PARP8: variants seen among roughly 807,000 people sequenced by gnomAD.
PARP8 encodes poly(ADP-ribose) polymerase family member 8.
In PARP8, 51 loss-of-function variants were observed where a neutral mutation model predicts 124.1. That is an observed-to-expected ratio of 0.41 (90% confidence interval 0.33 to 0.52). PARP8 has a LOEUF of 0.52. Ranked by LOEUF, PARP8 falls within the 20% of genes least tolerant of loss-of-function variation. The pLI, the probability that PARP8 is intolerant of heterozygous loss-of-function variation, is 0.21. For missense variants in PARP8, 860 were observed against 1,018.9 expected, an observed-to-expected ratio of 0.84 and a Z score of 2.12; for synonymous variants, 391 against 361.5, an observed-to-expected ratio of 1.08 and a Z score of -0.93.
Position 50,763,227 on chromosome 5 carries a change from A to C in PARP8, c.503A>C (p.His168Pro). 6.2e-7 allele frequency: 1 copy of C among 1,610,612 alleles called. No homozygotes were observed. Among genetic ancestry groups the C allele is most frequent in the Non-Finnish European group, 8.5e-7 (1 of 1,176,848 alleles). ...LSAVREIYGP[H>P]AVSLREYGAI... ...GCAGTTAGAGAGATATATGGGCCAC[A>C]TGCAGTTTCTCTCAGGTAAATAAGT... Residue 168 changes from histidine to proline, a missense_variant, in exon 7 of 26, where the codon CAT (histidine) becomes CCT (proline). Physicochemically the swap from His to Pro is moderately conservative, Grantham distance 77 (BLOSUM62 -2). Around this residue, in one of 2 missense-constraint regions of PARP8, gnomAD observed 517 missense variants for 544.2 expected, o/e 0.95. Transcript: ENST00000281631.
At chr5:50,674,990 A>G (rs1383747013) in intron 2 of PARP8, among the ~76,000 whole-genome samples, 2 of 152,272 alleles carry the variant, frequency 1.3e-5, no homozygotes, top group Non-Finnish European at 2.9e-5. Context: ...TTACAAGATT[A>G]ATAACCACAA....
chr5:50,774,846 G>T (rs1050261704), intron 7 of PARP8, among the ~76,000 whole-genome samples: 4 of 143,924 alleles, frequency 2.8e-5, no homozygotes, highest in African/African-American at 7.8e-5. Context: ...CCTAGATGGG[G>T]TGGTGGCCAG....
chr5:50,761,297 C>T (rs532875411), intron 5 of PARP8, among the ~76,000 whole-genome samples: 1 of 152,034 alleles, frequency 6.6e-6, no homozygotes, highest in South Asian at 2.1e-4. Flanking sequence ...AATTAAATAC[C>T]CTTTTGAAAT....
In PARP8 at chr5:50,729,254, G is replaced by A. The variant is rs142517942; in HGVS notation, c.147-20897G>A. ...ATTTGCAAAAGTAATGCCAAATGGA[G>A]TGAGATATGCCTCCTTTCACAGAAT... On this transcript the variant is annotated intron_variant, in intron 2 of 25. Coordinates refer to ENST00000281631, the MANE Select transcript of PARP8 (RefSeq NM_024615.4). Among the ~76,000 whole-genome samples, 1,339 of 152,288 alleles carry A rather than the reference G, an allele frequency of 8.8e-3. 10 individuals are homozygous for A. Among genetic ancestry groups the A allele is most frequent in the Admixed American group, 0.012 (187 of 15,292 alleles).
intron 2 of PARP8, among the ~76,000 whole-genome samples, chr5:50,697,270 A>C (rs1351569736): frequency 1.3e-5 from 2 of 152,170 alleles, no homozygotes; most frequent in Non-Finnish European, 2.9e-5. Context: ...AAACAAACAA[A>C]AAAAAAGAAT....
chr5:50,769,507 A>C (rs1010766878), intron 7 of PARP8, among the ~76,000 whole-genome samples: 3 of 152,084 alleles, frequency 2.0e-5, no homozygotes, highest in Non-Finnish European at 2.9e-5. Context: ...TACATCAAGA[A>C]TCCCAAATAT....
intron 3 of PARP8, among the ~76,000 whole-genome samples, chr5:50,754,150 T>TACACACACAC (rs1253764538): frequency 8.1e-4 from 30 of 37,150 alleles, no homozygotes; most frequent in African/African-American, 3.4e-3. Context: ...TATATATATA[T>TACACACACAC]ACACACACAC....
chr5:50,769,723 A>G (rs1761413467), intron 7 of PARP8, among the ~76,000 whole-genome samples: 1 of 151,794 alleles, frequency 6.6e-6, no homozygotes, highest in South Asian at 2.1e-4. Context: ...TGATGATAGA[A>G]GAAGTGAAAG....
intron 2 of PARP8, among the ~76,000 whole-genome samples, chr5:50,689,192 A>C (rs35128589): frequency 6.6e-6 from 1 of 152,008 alleles, no homozygotes; most frequent in East Asian, 1.9e-4. Context: ...TTGAAACTGT[A>C]AACTGTGTTC....
Position 50,806,176 on chromosome 5 carries a change from T to C in PARP8, c.1575+8943T>C, listed in dbSNP as rs536338569. 3.9e-5 allele frequency among the ~76,000 whole-genome samples: 6 copies of C among 152,226 alleles called. No individual in the cohort carries two copies. In the South Asian group the frequency reaches 8.3e-4, roughly 21 times the overall value. ...AACTCTCTGAGGTATATATTATTAC[T>C]ATTCTCACTTTATGGTGAGAAAAAT... is the stretch of plus-strand genomic sequence containing the variant. On this transcript the variant is annotated intron_variant, in intron 14 of 25. Transcript: ENST00000281631.
rs1429628740 is a variant in PARP8, at chr5:50,846,260, T to A, written c.*4192T>A. ...ACTATACAGCCTCTTTACAATAAAT[T>A]TCTTGATTTTTGTGCACAGGATAGT... is the stretch of plus-strand genomic sequence containing the variant. On this transcript the variant is annotated 3_prime_UTR_variant, in exon 26 of 26. Coordinates refer to ENST00000281631, the MANE Select transcript of PARP8 (RefSeq NM_024615.4). The A allele has an allele frequency of 1.3e-5, 2 of 151,738 alleles. No homozygotes were observed. The highest frequency in any genetic ancestry group is 4.8e-5 in the African/African-American group (2 of 41,376). The allele number at this position is 151,738 out of a possible 1,614,324, so 9.4% of individuals were successfully genotyped here. A position where few individuals can be genotyped will look rare whatever the true frequency, so the allele number is the denominator to read the frequency against.
At chr5:50,833,580 G>C (rs1747233155) in intron 23 of PARP8, among the ~76,000 whole-genome samples, 1 of 151,466 alleles carries the variant, frequency 6.6e-6, no homozygotes, top group African/African-American at 2.4e-5. Context: ...AGTACATGAT[G>C]CTATTAAAAA....
chr5:50,702,051 C>T (rs1753654495), intron 2 of PARP8, among the ~76,000 whole-genome samples: 1 of 152,004 alleles, frequency 6.6e-6, no homozygotes, highest in Admixed American at 6.6e-5. Context: ...TGAAGTTTTC[C>T]TGCAGAAATG....
chr5:50,710,850 G>A (rs1754700720), intron 2 of PARP8, among the ~76,000 whole-genome samples: 1 of 152,094 alleles, frequency 6.6e-6, no homozygotes, highest in Admixed American at 6.6e-5. Flanking sequence ...ATATCTAACA[G>A]GTTCTACTTT....
intron 5 of PARP8, 89 bp downstream of exon 5, chr5:50,760,451 A>G: frequency 9.6e-7 from 1 of 1,045,614 alleles, no homozygotes; most frequent in Non-Finnish European, 1.3e-6. Flanking sequence ...ATCATTAGTG[A>G]GACTAAAATG....
At chr5:50,735,710 A>G (rs1757401218) in intron 2 of PARP8, among the ~76,000 whole-genome samples, 1 of 152,198 alleles carries the variant, frequency 6.6e-6, no homozygotes, top group Non-Finnish European at 1.5e-5. Context: ...CTGGGACACA[A>G]CAGTGAATAA....
At position 50,826,812 on chromosome 5, in the gene PARP8, T is replaced by C. The variant is rs1439045532; in HGVS notation, c.1977+9T>C. On this transcript the variant is annotated intron_variant, in intron 19 of 25. Coordinates refer to ENST00000281631, the MANE Select transcript of PARP8 (RefSeq NM_024615.4). ...AACTGCCAGTTAACAGGGTAAGTTG[T>C]TTTTTTTTTTTTTACATATGCATAC... is the stretch of plus-strand genomic sequence containing the variant. The C allele has an allele frequency of 1.0e-4, 20 of 198,196 alleles. No individual in the cohort carries two copies. Among genetic ancestry groups the C allele is most frequent in the Non-Finnish European group, 1.6e-4 (20 of 125,656 alleles). The allele number at this position is 198,196 out of a possible 1,614,324, so 12.3% of individuals were successfully genotyped here. A position where few individuals can be genotyped will look rare whatever the true frequency, so the allele number is the denominator to read the frequency against.
intron 2 of PARP8, among the ~76,000 whole-genome samples, chr5:50,721,317 T>C (rs890623818): frequency 6.6e-6 from 1 of 152,068 alleles, no homozygotes; most frequent in Non-Finnish European, 1.5e-5. Flanking sequence ...GACTACAATT[T>C]CATCCCCCAT....
intron 9 of PARP8, among the ~76,000 whole-genome samples, chr5:50,784,523 TA>T (rs1471967726): frequency 6.6e-6 from 1 of 152,150 alleles, no homozygotes; most frequent in Non-Finnish European, 1.5e-5. Context: ...ATCATCTCAT[TA>T]TTGGTACCTC....
Sources: gnomAD v4.1 joint callset for allele counts (sites outside exome capture counted in the v4.1 genomes callset) on GRCh38, gnomAD v4.1.1 for gene constraint, gnomAD v4.1.1 regional missense constraint, MANE v1.5 for transcripts, NCBI Gene and HGNC (gene_info 2026-07-23, HGNC 2026-07-21) for gene names.